Variants in ZCCHC3 observed in about 807,000 individuals in gnomAD.
ZCCHC3 encodes zinc finger CCHC-type containing 3.
ZCCHC3 carries 20 observed loss-of-function variants against 18.4 expected under a neutral mutation model. The ratio of observed to expected loss-of-function variants is 1.09; its 90% confidence interval spans 0.76 to 1.58. The LOEUF (loss-of-function observed/expected upper bound fraction) is 1.58. ZCCHC3 is among the 40% of genes most tolerant of loss of function. The pLI, the probability that ZCCHC3 is intolerant of heterozygous loss-of-function variation, is 0.00. For synonymous variants in ZCCHC3, 310 were observed against 232.7 expected (o/e 1.33, Z -3.02); for missense variants, 548 against 511.2 (o/e 1.07, Z -0.69).
rs1323438108 is a variant in ZCCHC3, at chr20:298,188, A to G, written c.602A>G (p.Tyr201Cys). 7.2e-7 allele frequency: 1 copy of G among 1,391,996 alleles called. No individual in the cohort carries two copies. Among genetic ancestry groups the G allele is most frequent in the South Asian group, 1.2e-5 (1 of 86,816 alleles). 86.2% of individuals were successfully genotyped at this position (1,391,996 alleles called of 1,614,324 possible). A position where few individuals can be genotyped will look rare whatever the true frequency, so the allele number is the denominator to read the frequency against. Residue 201 changes from tyrosine (Y) to cysteine (C), a missense_variant, in exon 1 of 1, where the codon TAC becomes TGC. Tyr to Cys is a radical substitution (Grantham distance 194). Transcript: ENST00000500893. ...RSIGMDPSDI[Y>C]AVIQIPGSRE... ...ATCGGCATGGACCCGAGCGACATCT[A>G]CGCGGTCATCCAGATCCCGGGCAGC...
rs1368621830 is a variant in ZCCHC3, at chr20:299,474, A to AT, written c.*682dup. ...CAGCTCTTTTGGTGGCTCAGAAGCC[A>AT]TTTTTTATAGAATCATGGAATCTAG... On this transcript the variant is annotated 3_prime_UTR_variant, in exon 1 of 1. Coordinates refer to ENST00000500893, the MANE Select transcript of ZCCHC3 (RefSeq NM_033089.7). The AT allele has an allele frequency of 4.8e-5, 8 of 167,182 alleles. No individual in the cohort carries two copies. The highest frequency in any genetic ancestry group is 1.9e-4 in the African/African-American group (8 of 41,560). 10.4% of individuals were successfully genotyped at this position (167,182 alleles called of 1,614,324 possible).
Position 298,928 on chromosome 20 carries a change from T to C in ZCCHC3, c.*130T>C, listed in dbSNP as rs991667512. 3.7e-6 allele frequency: 4 copies of C among 1,095,184 alleles called. No homozygotes were observed. The highest frequency in any genetic ancestry group is 4.9e-6 in the Non-Finnish European group (4 of 808,284). 67.8% of individuals were successfully genotyped at this position (1,095,184 alleles called of 1,614,324 possible). On this transcript the variant is annotated 3_prime_UTR_variant, in exon 1 of 1. Coordinates refer to ENST00000500893, the MANE Select transcript of ZCCHC3 (RefSeq NM_033089.7). ...AAAACCTACAAGAGACATCTCTCTATGCCTTCTTAAACCGAGTTTACTCCA... is the reference window on the plus strand; with the variant it reads ...AAAACCTACAAGAGACATCTCTCTACGCCTTCTTAAACCGAGTTTACTCCA...
chr20:298,237 C>A lies in ZCCHC3; in HGVS notation c.651C>A (p.Arg217=). The A allele has an allele frequency of 1.0e-6, 1 of 1,002,220 alleles. No homozygotes were observed. Among genetic ancestry groups the A allele is most frequent in the Non-Finnish European group, 1.6e-6 (1 of 620,296 alleles). The allele number at this position is 1,002,220 out of a possible 1,614,324, so 62.1% of individuals were successfully genotyped here. A position where few individuals can be genotyped will look rare whatever the true frequency, so the allele number is the denominator to read the frequency against. ...GCCGCGAATTCGACGTGAGCTTCCG[C>A]TCAGCGGAGAAGCTGGCCCTGTTCC... is the stretch of plus-strand genomic sequence containing the variant. ...PGSREFDVSF[R]SAEKLALFLR... The change falls in exon 1 of 1, where the codon CGC becomes CGA. Residue 217 remains arginine, a synonymous_variant. Transcript: ENST00000500893.
In ZCCHC3 at chr20:297,809, C is replaced by T. The variant is rs375843454; in HGVS notation, c.223C>T (p.Leu75Phe). ...ESGGGGGSAGLGGPAGLAAPD... is the reference protein window; with the variant it reads ...ESGGGGGSAGFGGPAGLAAPD... Reference sequence around the variant, plus strand: ...CGGCGGCGGTGGAGGGAGCGCCGGGCTCGGCGGCCCCGCGGGCCTGGCGGC... The same window carrying T: ...CGGCGGCGGTGGAGGGAGCGCCGGGTTCGGCGGCCCCGCGGGCCTGGCGGC... The change falls in exon 1 of 1, where the codon CTC becomes TTC. Residue 75 changes from leucine (L) to phenylalanine (F), a missense_variant. Transcript: ENST00000500893. 14 of 1,285,970 alleles carry T rather than the reference C, an allele frequency of 1.1e-5. No homozygotes were observed. Among genetic ancestry groups the T allele is most frequent in the Admixed American group, 8.5e-5 (2 of 23,550 alleles). The allele number at this position is 1,285,970 out of a possible 1,614,324, so 79.7% of individuals were successfully genotyped here. A position where few individuals can be genotyped will look rare whatever the true frequency, so the allele number is the denominator to read the frequency against.
rs2012660848 is a variant in ZCCHC3 at position 297,629 on chromosome 20, C to A, written c.43C>A (p.Arg15=). 2 of 1,378,240 alleles carry A rather than the reference C, an allele frequency of 1.5e-6. No homozygotes were observed. The highest frequency in any genetic ancestry group is 1.5e-5 in the African/African-American group (1 of 65,438). 85.4% of individuals were successfully genotyped at this position (1,378,240 alleles called of 1,614,324 possible). Residue 15 remains arginine (R), a synonymous_variant, in exon 1 of 1, where the codon CGG becomes AGG. Transcript: ENST00000500893. ...CGCGGAGGAAGAGAGGAAACGGGGG[C>A]GGCCGCAGCTTCTGCCCCCCGCGCG... The part of the protein sequence containing the change: ...GGAEEERKRG[R]PQLLPPARPA...
At position 297,671 on chromosome 20, in the gene ZCCHC3, G is replaced by A; in HGVS notation, c.85G>A (p.Glu29Lys). The change falls in exon 1 of 1, where the codon GAG becomes AAG. Residue 29 changes from glutamate (E) to lysine (K), a missense_variant. Physicochemically the swap from Glu to Lys is moderately conservative, Grantham distance 56 (BLOSUM62 1). Transcript: ENST00000500893. ...LPPARPAARG[E>K]EADGGREKMG... ...CCCCGCGCGGCCCGCGGCCCGGGGC[G>A]AGGAGGCCGACGGCGGCCGCGAGAA... 4 of 1,367,990 alleles carry A rather than the reference G, an allele frequency of 2.9e-6. No individual in the cohort carries two copies. Among genetic ancestry groups the A allele is most frequent in the Admixed American group, 3.9e-5 (1 of 25,320 alleles). 84.7% of individuals were successfully genotyped at this position (1,367,990 alleles called of 1,614,324 possible).
In ZCCHC3 at chr20:298,084, C is replaced by T. The variant is rs188068926; in HGVS notation, c.498C>T (p.Leu166=). The stretch of plus-strand genomic sequence containing the variant: ...CAGGCCCGGGCAAGGGTCGCTTCCT[C>T]GTCCGCATCTGTTTCCAGGGAGACG... ...AAAGPGKGRF[L]VRICFQGDEG... is the part of the protein sequence containing the mutation. The change falls in exon 1 of 1, where the codon CTC becomes CTT. Residue 166 remains leucine (L), a synonymous_variant. Coordinates refer to ENST00000500893, the MANE Select transcript of ZCCHC3 (RefSeq NM_033089.7). The T allele has an allele frequency of 1.7e-5, 26 of 1,571,704 alleles. No homozygotes were observed. The highest frequency in any genetic ancestry group is 1.3e-4 in the Admixed American group (7 of 55,852).
chr20:298,020 C>T lies in ZCCHC3; in HGVS notation c.434C>T (p.Ala145Val). 1 of 1,426,830 alleles carries T rather than the reference C, an allele frequency of 7.0e-7. No homozygotes were observed. The highest frequency in any genetic ancestry group is 9.1e-7 in the Non-Finnish European group (1 of 1,096,466). The allele number at this position is 1,426,830 out of a possible 1,614,324, so 88.4% of individuals were successfully genotyped here. A position where few individuals can be genotyped will look rare whatever the true frequency, so the allele number is the denominator to read the frequency against. ...TPARPGEAED[A>V]AERPLQDEPA... The stretch of plus-strand genomic sequence containing the variant: ...GCCAGGCCCGGCGAGGCCGAGGACG[C>T]GGCCGAGCGGCCCCTCCAGGATGAG... The change falls in exon 1 of 1, where the codon GCG (alanine) becomes GTG (valine). Residue 145 changes from alanine (A) to valine (V), a missense_variant. By Grantham distance (64) the Ala-to-Val change is moderately conservative. Coordinates refer to ENST00000500893, the MANE Select transcript of ZCCHC3 (RefSeq NM_033089.7).
In ZCCHC3 at chr20:298,930, C is replaced by T; in HGVS notation, c.*132C>T. 9.9e-7 allele frequency: 1 copy of T among 1,008,200 alleles called. No homozygotes were observed. Among genetic ancestry groups the T allele is most frequent in the Non-Finnish European group, 1.4e-6 (1 of 731,580 alleles). 62.5% of individuals were successfully genotyped at this position (1,008,200 alleles called of 1,614,324 possible). On this transcript the variant is annotated 3_prime_UTR_variant, in exon 1 of 1. Transcript: ENST00000500893. The stretch of plus-strand genomic sequence containing the variant: ...AACCTACAAGAGACATCTCTCTATG[C>T]CTTCTTAAACCGAGTTTACTCCATT...
At position 297,766 on chromosome 20, in the gene ZCCHC3, G is replaced by A; in HGVS notation, c.180G>A (p.Pro60=). 9 of 1,378,408 alleles carry A rather than the reference G, an allele frequency of 6.5e-6. No homozygotes were observed. Among genetic ancestry groups the A allele is most frequent in the Middle Eastern group, 2.2e-4 (1 of 4,548 alleles). The allele number at this position is 1,378,408 out of a possible 1,614,324, so 85.4% of individuals were successfully genotyped here. A position where few individuals can be genotyped will look rare whatever the true frequency, so the allele number is the denominator to read the frequency against. The change falls in exon 1 of 1, where the codon CCG becomes CCA. Residue 60 remains proline, a synonymous_variant. Coordinates refer to ENST00000500893, the MANE Select transcript of ZCCHC3 (RefSeq NM_033089.7). ...KKGEFREPRP[P]RREEESGGGG... is the part of the protein sequence containing the mutation. ...GCGAATTCCGCGAGCCGCGGCCGCC[G>A]CGGCGGGAGGAGGAAAGCGGCGGCG...
At position 297,658 on chromosome 20, in the gene ZCCHC3, C is replaced by G; in HGVS notation, c.72C>G (p.Pro24=). Residue 24 remains proline, a synonymous_variant, in exon 1 of 1, where the codon CCC becomes CCG. Transcript: ENST00000500893. ...GRPQLLPPAR[P]AARGEEADGG... Reference sequence around the variant, plus strand: ...CGCAGCTTCTGCCCCCCGCGCGGCCCGCGGCCCGGGGCGAGGAGGCCGACG... The same window carrying G: ...CGCAGCTTCTGCCCCCCGCGCGGCCGGCGGCCCGGGGCGAGGAGGCCGACG... 1 of 1,367,134 alleles carries G rather than the reference C, an allele frequency of 7.3e-7. No individual in the cohort carries two copies. The highest frequency in any genetic ancestry group is 9.4e-7 in the Non-Finnish European group (1 of 1,058,706). 84.7% of individuals were successfully genotyped at this position (1,367,134 alleles called of 1,614,324 possible).
chr20:297,612 A>G lies in ZCCHC3; in HGVS notation c.26A>G (p.Glu9Gly). Reference sequence around the variant, plus strand: ...ATGGCCACCGGCGGCGGCGCGGAGGAAGAGAGGAAACGGGGGCGGCCGCAG... The same window carrying G: ...ATGGCCACCGGCGGCGGCGCGGAGGGAGAGAGGAAACGGGGGCGGCCGCAG... MATGGGAE[E>G]ERKRGRPQLL... Residue 9 changes from glutamate to glycine, a missense_variant, in exon 1 of 1, where the codon GAA (glutamate) becomes GGA (glycine). Physicochemically the swap from Glu to Gly is moderately conservative, Grantham distance 98. Coordinates refer to ENST00000500893, the MANE Select transcript of ZCCHC3 (RefSeq NM_033089.7). 1 of 1,374,898 alleles carries G rather than the reference A, an allele frequency of 7.3e-7. No individual in the cohort carries two copies. Among genetic ancestry groups the G allele is most frequent in the Non-Finnish European group, 9.4e-7 (1 of 1,061,048 alleles). The allele number at this position is 1,374,898 out of a possible 1,614,324, so 85.2% of individuals were successfully genotyped here. A position where few individuals can be genotyped will look rare whatever the true frequency, so the allele number is the denominator to read the frequency against.
At position 297,872 on chromosome 20, in the gene ZCCHC3, G is replaced by T; in HGVS notation, c.286G>T (p.Asp96Tyr). ...LGDFPPAGRG[D>Y]PKGRRRDPAG... is the part of the protein sequence containing the mutation. ...CGACTTCCCACCGGCTGGCCGCGGG[G>T]ATCCGAAGGGCCGTCGGAGAGATCC... The change falls in exon 1 of 1, where the codon GAT becomes TAT. Residue 96 changes from aspartate (D) to tyrosine (Y), a missense_variant. Physicochemically the swap from Asp to Tyr is radical, Grantham distance 160 (BLOSUM62 -3). Coordinates refer to ENST00000500893, the MANE Select transcript of ZCCHC3 (RefSeq NM_033089.7). 8.0e-7 allele frequency: 1 copy of T among 1,246,848 alleles called. No homozygotes were observed. Among genetic ancestry groups the T allele is most frequent in the Non-Finnish European group, 1.0e-6 (1 of 995,544 alleles). The allele number at this position is 1,246,848 out of a possible 1,614,324, so 77.2% of individuals were successfully genotyped here. A position where few individuals can be genotyped will look rare whatever the true frequency, so the allele number is the denominator to read the frequency against.
chr20:299,081 C>T lies in ZCCHC3; in HGVS notation c.*283C>T. 1 of 319,468 alleles carries T rather than the reference C, an allele frequency of 3.1e-6. No individual in the cohort carries two copies. The highest frequency in any genetic ancestry group is 6.0e-6 in the Non-Finnish European group (1 of 167,700). 19.8% of individuals were successfully genotyped at this position (319,468 alleles called of 1,614,324 possible). On this transcript the variant is annotated 3_prime_UTR_variant, in exon 1 of 1. Coordinates refer to ENST00000500893, the MANE Select transcript of ZCCHC3 (RefSeq NM_033089.7). ...TTTCTATTGGGTATTTGTTTTGTTT[C>T]TTGTACTTTTTCTCTCTCTCCTTGC...
chr20:300,194 C>G lies in ZCCHC3; in HGVS notation c.*1396C>G, dbSNP rs2012721129. Reference sequence around the variant, plus strand: ...GTGTTATCCAGTAGAAAAGACAGTACACTGCTTTTCTTTTAGTGTTTGCTT... The same window carrying G: ...GTGTTATCCAGTAGAAAAGACAGTAGACTGCTTTTCTTTTAGTGTTTGCTT... On this transcript the variant is annotated 3_prime_UTR_variant, in exon 1 of 1. Coordinates refer to ENST00000500893, the MANE Select transcript of ZCCHC3 (RefSeq NM_033089.7). 6.0e-6 allele frequency: 1 copy of G among 167,104 alleles called. No individual in the cohort carries two copies. Among genetic ancestry groups the G allele is most frequent in the Admixed American group, 6.5e-5 (1 of 15,284 alleles). 10.4% of individuals were successfully genotyped at this position (167,104 alleles called of 1,614,324 possible).
chr20:298,982 G>T lies in ZCCHC3; in HGVS notation c.*184G>T. On this transcript the variant is annotated 3_prime_UTR_variant, in exon 1 of 1. Transcript: ENST00000500893. ...CAGCCTGTTCTGAATTGGTGACTCT[G>T]TCACCAATAACGACTGCGGAGAACT... is the stretch of plus-strand genomic sequence containing the variant. 1.8e-5 allele frequency: 9 copies of T among 507,136 alleles called. No individual in the cohort carries two copies. Among genetic ancestry groups the T allele is most frequent in the East Asian group, 3.6e-5 (1 of 27,710 alleles). The allele number at this position is 507,136 out of a possible 1,614,324, so 31.4% of individuals were successfully genotyped here.
In ZCCHC3 at chr20:297,859, G is replaced by C; in HGVS notation, c.273G>C (p.Pro91=). The change falls in exon 1 of 1, where the codon CCG becomes CCC. Residue 91 remains proline (P), a synonymous_variant. Transcript: ENST00000500893. Reference sequence around the variant, plus strand: ...CGCCGGACCTCGGCGACTTCCCACCGGCTGGCCGCGGGGATCCGAAGGGCC... The same window carrying C: ...CGCCGGACCTCGGCGACTTCCCACCCGCTGGCCGCGGGGATCCGAAGGGCC... ...LAAPDLGDFP[P]AGRGDPKGRR... The C allele has an allele frequency of 8.0e-7, 1 of 1,246,052 alleles. No homozygotes were observed. Among genetic ancestry groups the C allele is most frequent in the Non-Finnish European group, 1.0e-6 (1 of 995,078 alleles). The allele number at this position is 1,246,052 out of a possible 1,614,324, so 77.2% of individuals were successfully genotyped here.
chr20:297,736 GA>G lies in ZCCHC3; in HGVS notation c.152del (p.Lys51ArgfsTer135). The G allele has an allele frequency of 7.3e-7, 1 of 1,377,928 alleles. No homozygotes were observed. The highest frequency in any genetic ancestry group is 9.4e-7 in the Non-Finnish European group (1 of 1,060,844). The allele number at this position is 1,377,928 out of a possible 1,614,324, so 85.4% of individuals were successfully genotyped here. A position where few individuals can be genotyped will look rare whatever the true frequency, so the allele number is the denominator to read the frequency against. On this transcript the variant is annotated frameshift_variant, in exon 1 of 1. Transcript: ENST00000500893. LOFTEE classifies it high-confidence loss of function. ...AQVVKNLAEKKGEFREPRPPR... is the reference protein window; with the variant it reads ...AQVVKNLAEKXGEFREPRPPR... ...AGGTGGTGAAGAATCTAGCCGAGAAGAAGGGCGAATTCCGCGAGCCGCGGCC... is the reference window on the plus strand; with the variant it reads ...AGGTGGTGAAGAATCTAGCCGAGAAGAGGGCGAATTCCGCGAGCCGCGGCC...
Position 298,795 on chromosome 20 carries a change from C to G in ZCCHC3, c.1209C>G (p.His403Gln), listed in dbSNP as rs941322994. Reference protein sequence around the residue: ...VAAQLTGVAGH With the variant: ...VAAQLTGVAGQ ...CTCAGCTAACCGGCGTGGCCGGGCA[C>G]TAAACACCCGCCTGCCTGCCAGGGT... The change falls in exon 1 of 1, where the codon CAC becomes CAG. Residue 403 changes from histidine to glutamine, a missense_variant. His to Gln is a conservative substitution (Grantham distance 24, BLOSUM62 0). Transcript: ENST00000500893. 2.0e-6 allele frequency: 3 copies of G among 1,508,206 alleles called. No homozygotes were observed. The highest frequency in any genetic ancestry group is 2.7e-6 in the Non-Finnish European group (3 of 1,126,712). 93.4% of individuals were successfully genotyped at this position (1,508,206 alleles called of 1,614,324 possible).
Sources: allele counts gnomAD v4.1 joint callset, GRCh38; gene constraint gnomAD v4.1.1; transcripts MANE v1.5; gene names NCBI Gene and HGNC (gene_info 2026-07-23, HGNC 2026-07-21).